Variants in TXNRD2 observed in about 807,000 individuals in gnomAD.
TXNRD2 encodes the protein thioredoxin reductase 2, mitochondrial.
A neutral mutation model predicts 70.8 loss-of-function variants in TXNRD2; 67 were observed. That is an observed-to-expected ratio of 0.95 (90% CI 0.78 to 1.16). The LOEUF (loss-of-function observed/expected upper bound fraction) is 1.16. Ranked by LOEUF, TXNRD2 falls within the 50% of genes most tolerant of loss-of-function variation. The pLI, the probability that TXNRD2 is intolerant of heterozygous loss-of-function variation, is 0.00. For synonymous variants in TXNRD2, 301 were observed against 295.8 expected (o/e 1.02, Z -0.18); for missense variants, 644 against 719.9 (o/e 0.89, Z 1.21).
chr22:19,918,912 G>T lies in TXNRD2; in HGVS notation c.322C>A (p.Gln108Lys). ...HQAALLGGLIQDAPNYGWEVA... is the reference protein window; with the variant it reads ...HQAALLGGLIKDAPNYGWEVA... ...TCCCAGCCATAGTTGGGGGCATCTT[G>T]GATCAGGCCTCCCAGCAGTGCCGCC... The change falls in exon 4 of 18, where the codon CAA becomes AAA. Residue 108 changes from glutamine (Q) to lysine (K), a missense_variant. Physicochemically the swap from Gln to Lys is moderately conservative, Grantham distance 53 (BLOSUM62 1). This residue lies in a region of TXNRD2 where 566 missense variants were observed against 645.0 expected (regional missense o/e 0.88). Coordinates refer to ENST00000400521, the MANE Select transcript of TXNRD2 (RefSeq NM_006440.5). The T allele has an allele frequency of 6.2e-7, 1 of 1,612,788 alleles. No homozygotes were observed. The highest frequency in any genetic ancestry group is 8.5e-7 in the Non-Finnish European group (1 of 1,179,970).
chr22:19,879,553 G>C (rs563751138), intron 14 of TXNRD2, among the ~76,000 whole-genome samples: 1 of 149,810 alleles, frequency 6.7e-6, no homozygotes, highest in South Asian at 2.1e-4. Flanking sequence ...GGTGGGGGGC[G>C]GGGGGCGGGG....
At position 19,899,716 on chromosome 22, in the gene TXNRD2, A is replaced by G. The variant is rs531162352; in HGVS notation, c.663-648T>C. The stretch of plus-strand genomic sequence containing the variant: ...ATGTGTTTTGCATGCACATGTACTC[A>G]CGCACACTTGTATGTGCACACATGC... On this transcript the variant is annotated intron_variant, in intron 8 of 17. Transcript: ENST00000400521. Among the ~76,000 whole-genome samples, 17 of 152,314 alleles carry G rather than the reference A, an allele frequency of 1.1e-4. No homozygotes were observed. In the South Asian group the frequency reaches 3.5e-3, roughly 32 times the overall value.
chr22:19,932,487 G>A, intron 1 of TXNRD2: 1 of 1,596,444 alleles, frequency 6.3e-7, no homozygotes, highest in South Asian at 1.1e-5. Context: ...AAAAAGGGAG[G>A]GATGGAGAAG....
In TXNRD2 at chr22:19,877,242, TGG is replaced by T. The variant is rs753306267; in HGVS notation, c.1446-10_1446-9del. On this transcript the variant is annotated splice_polypyrimidine_tract_variant and intron_variant, in intron 16 of 17. Transcript: ENST00000400521. The stretch of plus-strand genomic sequence containing the variant: ...GCATAGGAAGCCCCACACCTGCACA[TGG>T]GGGATGGGGGAGGCAGGCGGGGTCA... 1 of 1,601,394 alleles carries T rather than the reference TGG, an allele frequency of 6.2e-7. No individual in the cohort carries two copies. Among genetic ancestry groups the T allele is most frequent in the African/African-American group, 1.3e-5 (1 of 74,504 alleles).
chr22:19,894,974 A>C (rs1939432257), intron 11 of TXNRD2: 1 of 1,414,390 alleles, frequency 7.1e-7, no homozygotes, highest in African/African-American at 1.5e-5. Context: ...CATCTCAAAA[A>C]AAAAAAAAAA....
intron 4 of TXNRD2, 102 bp from the exon 5 acceptor site, chr22:19,918,319 C>G: frequency 9.0e-7 from 1 of 1,111,256 alleles, no homozygotes; most frequent in Non-Finnish European, 1.3e-6. Flanking sequence ...ATAGAAATAT[C>G]AAAAAACAAG....
At chr22:19,901,070 C>T (rs1450240309) in intron 8 of TXNRD2, among the ~76,000 whole-genome samples, 2 of 152,236 alleles carry the variant, frequency 1.3e-5, no homozygotes, top group East Asian at 1.9e-4. Context: ...GGCTGCTCTC[C>T]GGGCCTCCTA....
intron 2 of TXNRD2, 66 bp downstream of exon 2, chr22:19,930,964 A>G: frequency 6.8e-7 from 1 of 1,474,754 alleles, no homozygotes; most frequent in Non-Finnish European, 9.5e-7. Flanking sequence ...TTTTCTGGAC[A>G]GCACCACCCT....
At position 19,907,004 on chromosome 22, in the gene TXNRD2, A is replaced by G. The variant is rs1472186764; in HGVS notation, c.662+4373T>C. Among the ~76,000 whole-genome samples the G allele has an allele frequency of 5.2e-5, 4 of 76,852 alleles. No homozygotes were observed. In the Admixed American group the frequency reaches 7.6e-4, roughly 15 times the overall value. The allele number at this position is 76,852 out of a possible 152,430, so 50.4% of individuals were successfully genotyped here. A position where few individuals can be genotyped will look rare whatever the true frequency, so the allele number is the denominator to read the frequency against. ...ACCGTGGGTAGCAGTGACCGCTCTC[A>G]GGAGAGTGTGGGCGCACCGTAAGTA... On this transcript the variant is annotated intron_variant, in intron 8 of 17. Coordinates refer to ENST00000400521, the MANE Select transcript of TXNRD2 (RefSeq NM_006440.5).
chr22:19,904,710 G>A (rs1273288526), intron 8 of TXNRD2, among the ~76,000 whole-genome samples: 1 of 152,188 alleles, frequency 6.6e-6, no homozygotes, highest in African/African-American at 2.4e-5. Context: ...GAGGGCCTGG[G>A]GCCAGGGGGA....
rs369924110 is a variant in TXNRD2 at position 19,915,189 on chromosome 22, G to T, written c.591+25C>A. ...GCCGGGAATGGGCCACGGCAGCAGG[G>T]ACGCTATGCTCTGGGGACACTCACG... On this transcript the variant is annotated intron_variant, in intron 7 of 17. Coordinates refer to ENST00000400521, the MANE Select transcript of TXNRD2 (RefSeq NM_006440.5). 1.5e-4 allele frequency: 241 copies of T among 1,612,302 alleles called. 1 individual carries two copies. In the East Asian group the frequency reaches 4.3e-3, roughly 28 times the overall value.
At chr22:19,885,265 G>A (rs978406609) in intron 11 of TXNRD2, among the ~76,000 whole-genome samples, 1 of 152,220 alleles carries the variant, frequency 6.6e-6, no homozygotes, top group Non-Finnish European at 1.5e-5. Flanking sequence ...CAATGGCGAA[G>A]GCAATTTTGC....
chr22:19,878,483 C>T, intron 14 of TXNRD2, 46 bp from the exon 15 acceptor site: 1 of 1,539,438 alleles, frequency 6.5e-7, no homozygotes, highest in Non-Finnish European at 9.0e-7. Flanking sequence ...GACAAACAAA[C>T]CTCGTGGCAC....
chr22:19,900,152 A>G (rs1569084821), intron 8 of TXNRD2, among the ~76,000 whole-genome samples: 2 of 152,214 alleles, frequency 1.3e-5, no homozygotes, highest in Non-Finnish European at 2.9e-5. Context: ...GATTAGGGTG[A>G]GCAGACAGAG....
intron 2 of TXNRD2, 143 bp from the exon 3 acceptor site, chr22:19,919,742 A>C (rs1310666552): frequency 1.3e-6 from 1 of 795,412 alleles, no homozygotes; most frequent in Non-Finnish European, 2.1e-6. Flanking sequence ...TGAGCTGCGC[A>C]ATGCTAGGGA....
chr22:19,916,040 A>G, intron 5 of TXNRD2, 197 bp from the exon 6 acceptor site: 1 of 579,464 alleles, frequency 1.7e-6, no homozygotes, highest in East Asian at 3.1e-5. Flanking sequence ...CCTGTCCCCC[A>G]GGGATCCCAG....
chr22:19,901,264 C>T (rs1043361503), intron 8 of TXNRD2, among the ~76,000 whole-genome samples: 2 of 152,220 alleles, frequency 1.3e-5, no homozygotes, highest in Non-Finnish European at 2.9e-5. Flanking sequence ...GCCTCCTGTC[C>T]TGGCACCCAC....
chr22:19,896,427 C>T (rs1939510900), intron 10 of TXNRD2, among the ~76,000 whole-genome samples: 1 of 152,216 alleles, frequency 6.6e-6, no homozygotes, highest in Non-Finnish European at 1.5e-5. Flanking sequence ...TGCCTTCCCC[C>T]AGGAGCTGTG....
chr22:19,902,738 G>A (rs1471660381), intron 8 of TXNRD2, among the ~76,000 whole-genome samples: 5 of 152,190 alleles, frequency 3.3e-5, no homozygotes, highest in Non-Finnish European at 7.4e-5. Flanking sequence ...GAGAGGTGGC[G>A]GGGGCTTTGC....
Sources: gnomAD v4.1 joint callset for allele counts (sites outside exome capture counted in the v4.1 genomes callset) on GRCh38, gnomAD v4.1.1 for gene constraint, gnomAD v4.1.1 regional missense constraint, MANE v1.5 for transcripts, NCBI Gene and HGNC (gene_info 2026-07-23, HGNC 2026-07-21) for gene names.